PTPRN2: variants seen among roughly 807,000 people sequenced by gnomAD.
PTPRN2 encodes receptor-type tyrosine-protein phosphatase N2.
In PTPRN2, 74 loss-of-function variants were observed where a neutral mutation model predicts 118.8. The observed-to-expected ratio is 0.62, with a 90% CI of 0.52 to 0.76. The LOEUF (loss-of-function observed/expected upper bound fraction) is 0.76. PTPRN2 is among the 30% of genes least tolerant of loss of function. The pLI is 0.00. For synonymous variants in PTPRN2, 641 were observed against 608.0 expected (o/e 1.05, Z -0.80); for missense variants, 1,481 against 1,394.4 (o/e 1.06, Z -0.99).
At chr7:158,012,672 GC>G (rs1806136344) in intron 11 of PTPRN2, among the ~76,000 whole-genome samples, 1 of 152,208 alleles carries the variant, frequency 6.6e-6, no homozygotes, top group African/African-American at 2.4e-5. Flanking sequence ...CATCCATGAA[GC>G]CCTCCTTTCT....
At chr7:158,537,186 A>G (rs1438014642) in intron 1 of PTPRN2, among the ~76,000 whole-genome samples, 1 of 151,844 alleles carries the variant, frequency 6.6e-6, no homozygotes, top group African/African-American at 2.4e-5. Flanking sequence ...GAAATGTGAA[A>G]AATAAACATC....
chr7:158,290,790 C>G (rs1800072766), intron 3 of PTPRN2, among the ~76,000 whole-genome samples: 1 of 152,180 alleles, frequency 6.6e-6, no homozygotes, highest in Non-Finnish European at 1.5e-5. Flanking sequence ...GCTATCACCT[C>G]TCACCTGGTT....
intron 2 of PTPRN2, among the ~76,000 whole-genome samples, chr7:158,401,350 C>T (rs1028568159): frequency 2.6e-5 from 4 of 152,232 alleles, no homozygotes; most frequent in South Asian, 2.1e-4. Flanking sequence ...GAAAATAGAC[C>T]GGAAGCTCCT....
intron 11 of PTPRN2, among the ~76,000 whole-genome samples, chr7:158,062,241 CCAA>C (rs1371155955): frequency 6.6e-6 from 1 of 152,244 alleles, no homozygotes; most frequent in African/African-American, 2.4e-5. Flanking sequence ...ACCAACGTGT[CCAA>C]CATCACAGGT....
chr7:158,033,450 G>A (rs1393744622), intron 11 of PTPRN2, among the ~76,000 whole-genome samples: 1 of 152,136 alleles, frequency 6.6e-6, no homozygotes, highest in Non-Finnish European at 1.5e-5. Context: ...ATTTGTGGTG[G>A]GCCCCTCGGA....
At chr7:157,747,406 G>A (rs1245458177) in intron 12 of PTPRN2, among the ~76,000 whole-genome samples, 2 of 131,162 alleles carry the variant, frequency 1.5e-5, no homozygotes, top group African/African-American at 3.0e-5. Flanking sequence ...GTGATTCTGA[G>A]GCCTGCGTCC....
intron 10 of PTPRN2, among the ~76,000 whole-genome samples, chr7:158,083,859 G>A (rs2128933859): frequency 6.6e-6 from 1 of 152,314 alleles, no homozygotes; most frequent in Admixed American, 6.5e-5. Context: ...GACGGGGCAT[G>A]AGGAGCTGTC....
At chr7:158,060,777 A>T (rs1810269498) in intron 11 of PTPRN2, among the ~76,000 whole-genome samples, 1 of 152,246 alleles carries the variant, frequency 6.6e-6, no homozygotes, top group South Asian at 2.1e-4. Context: ...GAATATGGGA[A>T]GGTTTTGCAA....
At chr7:158,222,953 AAG>A (rs1828480188) in intron 3 of PTPRN2, among the ~76,000 whole-genome samples, 1 of 152,200 alleles carries the variant, frequency 6.6e-6, no homozygotes, top group South Asian at 2.1e-4. Flanking sequence ...AACAAAAAAC[AAG>A]AGAGAAGACA....
chr7:158,156,800 C>T (rs940675565), intron 6 of PTPRN2, among the ~76,000 whole-genome samples: 2 of 152,270 alleles, frequency 1.3e-5, no homozygotes, highest in Non-Finnish European at 2.9e-5. Context: ...TCTCCATTAA[C>T]CACCAGCGTT....
chr7:158,543,914 A>C (rs1426073284), intron 1 of PTPRN2, among the ~76,000 whole-genome samples: 2 of 152,182 alleles, frequency 1.3e-5, no homozygotes, highest in African/African-American at 2.4e-5. Flanking sequence ...CCACAAGGCA[A>C]CCCTCAAGAA....
intron 12 of PTPRN2, among the ~76,000 whole-genome samples, chr7:157,762,053 C>G (rs1802163906): frequency 6.6e-6 from 1 of 152,128 alleles, no homozygotes; most frequent in African/African-American, 2.4e-5. Context: ...GATACCATCT[C>G]ACACCAGTTA....
chr7:158,132,668 TACAC>T (rs538701434), intron 9 of PTPRN2, among the ~76,000 whole-genome samples: 1 of 151,356 alleles, frequency 6.6e-6, no homozygotes, highest in East Asian at 2.0e-4. Context: ...CACACTCATA[TACAC>T]ACAGATACAC....
At chr7:158,157,355 C>T (rs1821917482) in intron 6 of PTPRN2, among the ~76,000 whole-genome samples, 1 of 152,232 alleles carries the variant, frequency 6.6e-6, no homozygotes, top group Admixed American at 6.5e-5. Context: ...CCAGCAAATG[C>T]AGCTGGCTTA....
chr7:158,146,838 G>A (rs1385485201), intron 6 of PTPRN2, among the ~76,000 whole-genome samples: 1 of 152,002 alleles, frequency 6.6e-6, no homozygotes, highest in Non-Finnish European at 1.5e-5. Context: ...TTGGAGGCCA[G>A]AGAGACTTGA....
Position 158,166,960 on chromosome 7 carries a change from T to A in PTPRN2, c.881A>T (p.Asp294Val), listed in dbSNP as rs769969824. The change falls in exon 6 of 23, where the codon GAT (aspartate) becomes GTT (valine). Residue 294 changes from aspartate (D) to valine (V), a missense_variant. Coordinates refer to ENST00000389418, the MANE Select transcript of PTPRN2 (RefSeq NM_002847.5). ...APQKWPSPLG[D>V]SEDPSSTGDG... ...GCCTGTGCTGGAGGGGTCTTCGGAA[T>A]CTCCCAGAGGTGAAGGCCACTTCTG... 6.9e-6 allele frequency: 10 copies of A among 1,444,582 alleles called. No homozygotes were observed. In the African/African-American group the frequency reaches 1.3e-4, roughly 19 times the overall value. 89.5% of individuals were successfully genotyped at this position (1,444,582 alleles called of 1,614,324 possible). A position where few individuals can be genotyped will look rare whatever the true frequency, so the allele number is the denominator to read the frequency against.
chr7:158,063,078 G>A (rs1810479698), intron 11 of PTPRN2, among the ~76,000 whole-genome samples: 1 of 152,202 alleles, frequency 6.6e-6, no homozygotes, highest in African/African-American at 2.4e-5. Flanking sequence ...TAGCTAAGGG[G>A]TTGTAAATAC....
At chr7:158,369,737 G>A (rs746168289) in intron 2 of PTPRN2, among the ~76,000 whole-genome samples, 14 of 152,150 alleles carry the variant, frequency 9.2e-5, no homozygotes, top group East Asian at 1.9e-4. Flanking sequence ...TCTGTAGCAC[G>A]GAAAAGGCAA....
At chr7:157,906,070 G>C (rs924016588) in intron 11 of PTPRN2, among the ~76,000 whole-genome samples, 1 of 152,238 alleles carries the variant, frequency 6.6e-6, no homozygotes, top group Non-Finnish European at 1.5e-5. Flanking sequence ...CTCTGCCCCT[G>C]CCCTGAGGTC....
Sources: gnomAD v4.1 joint callset for allele counts (sites outside exome capture counted in the v4.1 genomes callset) on GRCh38, gnomAD v4.1.1 for gene constraint, MANE v1.5 for transcripts, NCBI Gene and HGNC (gene_info 2026-07-23, HGNC 2026-07-21) for gene names.